The following SLC25A40 variants were observed in gnomAD, a reference collection of about 807,000 sequenced individuals.
SLC25A40 encodes mitochondrial glutathione transporter SLC25A40.
SLC25A40 carries 41 observed loss-of-function variants against 46.5 expected under a neutral mutation model. The ratio of observed to expected loss-of-function variants is 0.88; its 90% CI spans 0.69 to 1.14. The LOEUF is 1.14. Among genes scored for constraint, SLC25A40 ranks in the 50% most tolerant of loss-of-function variants. SLC25A40 has a pLI of 0.00. For missense variants in SLC25A40, 386 were observed against 393.6 expected (o/e 0.98, Z 0.16); for synonymous variants, 126 against 127.5 (o/e 0.99, Z 0.08).
At chr7:87,865,895 A>C (rs1838787862) in intron 1 of SLC25A40, among the ~76,000 whole-genome samples, 1 of 152,110 alleles carries the variant, frequency 6.6e-6, no homozygotes, top group South Asian at 2.1e-4. Flanking sequence ...CAGCATGGGC[A>C]ACATGGTGAA....
chr7:87,866,340 C>T (rs1438780930), intron 1 of SLC25A40, among the ~76,000 whole-genome samples: 7 of 151,506 alleles, frequency 4.6e-5, no homozygotes, highest in African/African-American at 1.5e-4. Context: ...TTTTTTCATT[C>T]AGCCCTTTAA....
At chr7:87,861,073 C>A (rs1166564943) in intron 1 of SLC25A40, among the ~76,000 whole-genome samples, 1 of 152,078 alleles carries the variant, frequency 6.6e-6, no homozygotes, top group Non-Finnish European at 1.5e-5. Flanking sequence ...AAACAACAAG[C>A]TTTAGGTCTA....
chr7:87,871,562 C>A (rs1022728203), intron 1 of SLC25A40, among the ~76,000 whole-genome samples: 2 of 152,200 alleles, frequency 1.3e-5, no homozygotes, highest in Non-Finnish European at 2.9e-5. Context: ...ATTTGTTATA[C>A]AGCAACAGGT....
At chr7:87,838,160 C>A (rs573889777) in intron 10 of SLC25A40, among the ~76,000 whole-genome samples, 3 of 151,534 alleles carry the variant, frequency 2.0e-5, no homozygotes, top group African/African-American at 7.2e-5. Context: ...CAGCTCAACA[C>A]TGATTACAAA....
intron 8 of SLC25A40, among the ~76,000 whole-genome samples, chr7:87,846,418 T>C (rs1407687534): frequency 6.6e-6 from 1 of 152,220 alleles, no homozygotes; most frequent in Non-Finnish European, 1.5e-5. Flanking sequence ...TGTAAGTTAC[T>C]GGTAGATTTA....
chr7:87,842,501 T>C (rs896045930), intron 9 of SLC25A40, among the ~76,000 whole-genome samples: 3 of 152,064 alleles, frequency 2.0e-5, no homozygotes, highest in Admixed American at 2.0e-4. Context: ...CAAAATCACT[T>C]ATATTTTATT....
chr7:87,873,426 TAA>T (rs1838924405), intron 1 of SLC25A40, among the ~76,000 whole-genome samples: 1 of 147,984 alleles, frequency 6.8e-6, no homozygotes, highest in Non-Finnish European at 1.5e-5. Flanking sequence ...ATAGAAAGGT[TAA>T]CTTTTTTTTT....
At chr7:87,872,971 T>G (rs368429105) in intron 1 of SLC25A40, among the ~76,000 whole-genome samples, 2 of 152,202 alleles carry the variant, frequency 1.3e-5, no homozygotes, top group South Asian at 4.1e-4. Context: ...TATCCTTTCA[T>G]GCACTTAGCC....
chr7:87,859,596 G>T (rs1298550525), intron 2 of SLC25A40, among the ~76,000 whole-genome samples: 1 of 152,058 alleles, frequency 6.6e-6, no homozygotes, highest in Admixed American at 6.6e-5. Context: ...TTATGTGTCC[G>T]TGTACATACA....
chr7:87,844,715 A>G (rs1228655621), intron 8 of SLC25A40, among the ~76,000 whole-genome samples: 2 of 152,102 alleles, frequency 1.3e-5, no homozygotes, highest in Non-Finnish European at 2.9e-5. Flanking sequence ...AATAGAAAAA[A>G]ATCAATTGCA....
chr7:87,846,303 G>T (rs990160386), intron 8 of SLC25A40, among the ~76,000 whole-genome samples: 5 of 152,106 alleles, frequency 3.3e-5, no homozygotes, highest in Non-Finnish European at 5.9e-5. Flanking sequence ...ATTTTTAAAA[G>T]ATATTTATAT....
In SLC25A40 at chr7:87,844,829, C is replaced by CA. The variant is rs879294237; in HGVS notation, c.632-967dup. ...TGGGGGTATACCTATAACTAAATGT[C>CA]AAAAAAAAAGAGATGAATACAACCT... On this transcript the variant is annotated intron_variant, in intron 8 of 11. Coordinates refer to ENST00000341119, the MANE Select transcript of SLC25A40 (RefSeq NM_018843.4). Among the ~76,000 whole-genome samples, 163 of 149,206 alleles carry CA rather than the reference C, an allele frequency of 1.1e-3. 1 individual carries two copies. The highest frequency in any genetic ancestry group is 3.5e-3 in the Middle Eastern group (1 of 286).
chr7:87,843,030 G>T (rs1838357715), intron 9 of SLC25A40, among the ~76,000 whole-genome samples: 1 of 151,954 alleles, frequency 6.6e-6, no homozygotes, highest in Admixed American at 6.6e-5. Flanking sequence ...GATTTTCTGA[G>T]ATATTATTAC....
At chr7:87,842,572 T>TA (rs1562742143) in intron 9 of SLC25A40, among the ~76,000 whole-genome samples, 1 of 152,060 alleles carries the variant, frequency 6.6e-6, no homozygotes, top group Non-Finnish European at 1.5e-5. Flanking sequence ...TCAGGTAAGG[T>TA]AAAATCAAGG....
chr7:87,868,084 A>G (rs575915459), intron 1 of SLC25A40, among the ~76,000 whole-genome samples: 2 of 152,300 alleles, frequency 1.3e-5, no homozygotes, highest in African/African-American at 2.4e-5. Flanking sequence ...GCCCTGAGCA[A>G]TATTTCTACC....
intron 6 of SLC25A40, 101 bp from the exon 7 acceptor site, chr7:87,848,078 A>C: frequency 2.2e-6 from 3 of 1,342,596 alleles, no homozygotes; most frequent in Non-Finnish European, 3.0e-6. Context: ...AAAGTCTTAT[A>C]TTTTGTGTAA....
intron 2 of SLC25A40, among the ~76,000 whole-genome samples, chr7:87,859,083 CAACATAAA>C (rs1838657748): frequency 6.6e-6 from 1 of 151,998 alleles, no homozygotes; most frequent in Admixed American, 6.6e-5. Context: ...ATGAGAAAAG[CAACATAAA>C]AACATAAAAA....
intron 1 of SLC25A40, among the ~76,000 whole-genome samples, chr7:87,870,843 T>C (rs930844910): frequency 6.6e-6 from 1 of 152,172 alleles, no homozygotes; most frequent in Non-Finnish European, 1.5e-5. Flanking sequence ...ATTTACCATA[T>C]TGAAGTTGTT....
chr7:87,872,782 T>TAGA, intron 1 of SLC25A40, among the ~76,000 whole-genome samples: 1 of 152,266 alleles, frequency 6.6e-6, no homozygotes, highest in East Asian at 1.9e-4. Flanking sequence ...GCCAACACAG[T>TAGA]GAAACCCTGT....
Sources: gnomAD v4.1 joint callset for allele counts (sites outside exome capture counted in the v4.1 genomes callset) on GRCh38, gnomAD v4.1.1 for gene constraint, MANE v1.5 for transcripts, NCBI Gene and HGNC (gene_info 2026-07-23, HGNC 2026-07-21) for gene names.